TMEM132C: variants seen among roughly 807,000 people sequenced by gnomAD.
TMEM132C encodes protein phosphatase 1, regulatory subunit 152.
A neutral mutation model predicts 61.4 loss-of-function variants in TMEM132C; 29 were observed. The observed-to-expected ratio is 0.47, with a 90% CI of 0.35 to 0.64. The LOEUF is 0.64. TMEM132C is among the 30% of genes least tolerant of loss of function. The pLI is 0.00. For missense variants in TMEM132C, 1,408 were observed against 1,476.9 expected, an observed-to-expected ratio of 0.95 and a Z score of 0.76; for synonymous variants, 656 against 633.1, an observed-to-expected ratio of 1.04 and a Z score of -0.54.
intron 1 of TMEM132C, 36 bp downstream of exon 1, chr12:128,267,523 T>G (rs1207973094): frequency 3.3e-6 from 4 of 1,228,072 alleles, no homozygotes; most frequent in African/African-American, 3.2e-5. Flanking sequence ...CGCCGACGCA[T>G]GCGAACTTCC....
At chr12:128,324,598 G>A (rs867924745) in intron 1 of TMEM132C, among the ~76,000 whole-genome samples, 5 of 152,144 alleles carry the variant, frequency 3.3e-5, no homozygotes, top group Admixed American at 6.5e-5. Flanking sequence ...GGTGGCTCAC[G>A]TCTGTAATCC....
chr12:128,472,506 C>T (rs1290513008), intron 2 of TMEM132C, among the ~76,000 whole-genome samples: 1 of 152,184 alleles, frequency 6.6e-6, no homozygotes, highest in East Asian at 1.9e-4. Context: ...CCAATCTGTT[C>T]CCTACCTTCC....
In TMEM132C at chr12:128,358,118, C is replaced by T. The variant is rs75421004; in HGVS notation, c.86-56614C>T. On this transcript the variant is annotated intron_variant, in intron 1 of 8. Coordinates refer to ENST00000435159, the MANE Select transcript of TMEM132C (RefSeq NM_001136103.3). ...AATCCCCTCTGGGGCTGGAGCTGCA[C>T]GGCCCTGGGCAGAGAGGCCCAGGGT... 5.5e-3 allele frequency among the ~76,000 whole-genome samples: 839 copies of T among 152,198 alleles called. 9 individuals carry two copies. The highest frequency in any genetic ancestry group is 0.019 in the African/African-American group (791 of 41,502).
At chr12:128,554,668 T>C (rs1465267172) in intron 3 of TMEM132C, among the ~76,000 whole-genome samples, 1 of 152,178 alleles carries the variant, frequency 6.6e-6, no homozygotes, top group Non-Finnish European at 1.5e-5. Flanking sequence ...CGACTGTGCC[T>C]CTTTTGGAGG....
intron 2 of TMEM132C, among the ~76,000 whole-genome samples, chr12:128,469,077 C>G (rs1191902189): frequency 1.3e-5 from 2 of 152,094 alleles, no homozygotes; most frequent in Non-Finnish European, 2.9e-5. Context: ...TTACATCAGA[C>G]TTGTAGGGGA....
chr12:128,699,587 G>A (rs1593153421), intron 8 of TMEM132C, among the ~76,000 whole-genome samples: 1 of 152,148 alleles, frequency 6.6e-6, no homozygotes, highest in South Asian at 2.1e-4. Flanking sequence ...CATGCTTCCA[G>A]TCTCTCCACC....
At chr12:128,320,530 C>A (rs1460016621) in intron 1 of TMEM132C, among the ~76,000 whole-genome samples, 6 of 152,066 alleles carry the variant, frequency 3.9e-5, no homozygotes, top group Non-Finnish European at 8.8e-5. Context: ...CTTAGGTAGG[C>A]CAAGGCAGGA....
At chr12:128,664,011 C>T (rs560693643) in intron 4 of TMEM132C, among the ~76,000 whole-genome samples, 13 of 147,390 alleles carry the variant, frequency 8.8e-5, no homozygotes, top group African/African-American at 2.2e-4. Flanking sequence ...CAGGCACACA[C>T]GCATACACAC....
intron 3 of TMEM132C, among the ~76,000 whole-genome samples, chr12:128,604,958 TAAA>T (rs1448063940): frequency 1.5e-4 from 21 of 142,606 alleles, no homozygotes; most frequent in African/African-American, 5.6e-4. Flanking sequence ...GATGGATAGA[TAAA>T]TAATAGATGG....
rs150833144 is a variant in TMEM132C, at chr12:128,669,496, A to G, written c.1385A>G (p.Asn462Ser). 5.2e-4 allele frequency: 807 copies of G among 1,551,720 alleles called. 6 individuals are homozygous for G. The African/African-American group carries it at 9.5e-3, about 18-fold the overall frequency. ...MPIKVVSVEE[N>S]SAVMDISESV... Reference sequence around the variant, plus strand: ...ATCAAGGTGGTCTCTGTGGAGGAGAACAGTGCCGTGATGGACATCTCAGAG... The same window carrying G: ...ATCAAGGTGGTCTCTGTGGAGGAGAGCAGTGCCGTGATGGACATCTCAGAG... Residue 462 changes from asparagine to serine, a missense_variant, in exon 5 of 9, where the codon AAC (asparagine) becomes AGC (serine). Physicochemically the swap from Asn to Ser is conservative, Grantham distance 46. Transcript: ENST00000435159.
At chr12:128,622,753 T>A (rs1205788556) in intron 4 of TMEM132C, among the ~76,000 whole-genome samples, 1 of 152,070 alleles carries the variant, frequency 6.6e-6, no homozygotes, top group African/African-American at 2.4e-5. Context: ...GGGGGAGATC[T>A]CCTTTGACAG....
At chr12:128,440,730 C>CTCCTGATA (rs374064272) in intron 2 of TMEM132C, among the ~76,000 whole-genome samples, 40 of 152,296 alleles carry the variant, frequency 2.6e-4, no homozygotes, top group African/African-American at 9.6e-4. Context: ...GGGGACCATT[C>CTCCTGATA]TCCTGATATG....
intron 2 of TMEM132C, among the ~76,000 whole-genome samples, chr12:128,436,724 G>T (rs1869605620): frequency 6.6e-6 from 1 of 152,182 alleles, no homozygotes; most frequent in South Asian, 2.1e-4. Flanking sequence ...CAATCATTGT[G>T]GTAGACAGTG....
At chr12:128,685,129 C>G (rs1160911123) in intron 5 of TMEM132C, among the ~76,000 whole-genome samples, 1 of 152,176 alleles carries the variant, frequency 6.6e-6, no homozygotes, top group Admixed American at 6.5e-5. Context: ...TCCCTGCTTT[C>G]TTCTCAATTT....
At chr12:128,521,446 C>A (rs1212941966) in intron 2 of TMEM132C, among the ~76,000 whole-genome samples, 1 of 146,794 alleles carries the variant, frequency 6.8e-6, no homozygotes, top group Non-Finnish European at 1.5e-5. Flanking sequence ...ATCCCTCCCC[C>A]AGCCCCCAGC....
At chr12:128,340,395 A>T (rs1161867503) in intron 1 of TMEM132C, among the ~76,000 whole-genome samples, 1 of 152,140 alleles carries the variant, frequency 6.6e-6, no homozygotes, top group Non-Finnish European at 1.5e-5. Flanking sequence ...AGTAAAGCTT[A>T]TTTTAGTTGC....
chr12:128,309,301 C>T (rs1042438440), intron 1 of TMEM132C, among the ~76,000 whole-genome samples: 11 of 152,146 alleles, frequency 7.2e-5, no homozygotes, highest in African/African-American at 2.4e-4. Context: ...TCTTACGGAT[C>T]CTCAGGACCT....
intron 4 of TMEM132C, among the ~76,000 whole-genome samples, chr12:128,639,013 G>A (rs553837469): frequency 4.7e-5 from 3 of 63,996 alleles, no homozygotes; most frequent in African/African-American, 1.9e-4. Flanking sequence ...GATGATGATG[G>A]TGGTGATGGT....
intron 2 of TMEM132C, among the ~76,000 whole-genome samples, chr12:128,492,379 C>A (rs1871769782): frequency 6.6e-6 from 1 of 152,138 alleles, no homozygotes; most frequent in African/African-American, 2.4e-5. Flanking sequence ...AATGGGATCG[C>A]TGGGTCAAAT....
Sources: gnomAD v4.1 joint callset for allele counts (sites outside exome capture counted in the v4.1 genomes callset) on GRCh38, gnomAD v4.1.1 for gene constraint, MANE v1.5 for transcripts, NCBI Gene and HGNC (gene_info 2026-07-23, HGNC 2026-07-21) for gene names.